Variants in CEMIP observed in about 807,000 individuals in gnomAD.
The protein encoded by CEMIP is cell migration inducing hyaluronidase 1.
In CEMIP, 105 loss-of-function variants were observed where a neutral mutation model predicts 156.9. That is an observed-to-expected ratio of 0.67 (90% CI 0.57 to 0.79). The LOEUF (loss-of-function observed/expected upper bound fraction) is 0.79, where lower values mean the gene tolerates loss of function less well. CEMIP is among the 30% of genes least tolerant of loss of function. The pLI is 0.00. For synonymous variants in CEMIP, 676 were observed against 668.4 expected (o/e 1.01, Z -0.17); for missense variants, 1,457 against 1,769.4 (o/e 0.82, Z 3.17).
intron 14 of CEMIP, 177 bp downstream of exon 14, chr15:80,909,483 TAG>T (rs1257840741): frequency 1.4e-6 from 1 of 715,554 alleles, no homozygotes; most frequent in Non-Finnish European, 2.5e-6. Flanking sequence ...AAGGAGAAAA[TAG>T]AGGTTTGTCC....
intron 1 of CEMIP, among the ~76,000 whole-genome samples, chr15:80,845,052 T>A (rs1897520295): frequency 6.6e-6 from 1 of 152,246 alleles, no homozygotes; most frequent in Non-Finnish European, 1.5e-5. Flanking sequence ...CCATAAATAT[T>A]ATCCATATAC....
In CEMIP at chr15:80,854,726, A is replaced by G. The variant is rs925300672; in HGVS notation, c.-175-18812A>G. On this transcript the variant is annotated intron_variant, in intron 1 of 29. Transcript: ENST00000394685. The stretch of plus-strand genomic sequence containing the variant: ...GATACTTAATAGCCTTATAAGCTAG[A>G]CAGGAATCTTAGCCTAAAAATGCAA... Among the ~76,000 whole-genome samples the G allele has an allele frequency of 4.6e-5, 7 of 152,358 alleles. No homozygotes were observed. In the East Asian group the frequency reaches 1.3e-3, roughly 29 times the overall value.
intron 1 of CEMIP, among the ~76,000 whole-genome samples, chr15:80,825,018 T>C (rs1273434910): frequency 6.6e-6 from 1 of 152,180 alleles, no homozygotes; most frequent in Non-Finnish European, 1.5e-5. Context: ...TTGAGTAAAA[T>C]AGATCCTTTG....
chr15:80,884,911 AAATTT>A (rs545395117), intron 7 of CEMIP, among the ~76,000 whole-genome samples: 35 of 152,272 alleles, frequency 2.3e-4, no homozygotes, highest in African/African-American at 5.8e-4. Flanking sequence ...CCTTTTTTAA[AAATTT>A]AATTTAATTT....
At chr15:80,805,689 A>C (rs2141613152) in intron 1 of CEMIP, among the ~76,000 whole-genome samples, 1 of 152,366 alleles carries the variant, frequency 6.6e-6, no homozygotes. Flanking sequence ...CACATCTATA[A>C]ATCTAAAACA....
intron 14 of CEMIP, among the ~76,000 whole-genome samples, chr15:80,919,599 G>A (rs370457310): frequency 6.6e-6 from 1 of 152,178 alleles, no homozygotes; most frequent in Non-Finnish European, 1.5e-5. Flanking sequence ...GGATCATGAG[G>A]TCAGGAGATT....
intron 1 of CEMIP, among the ~76,000 whole-genome samples, chr15:80,833,278 T>C (rs1391814987): frequency 6.6e-6 from 1 of 152,144 alleles, no homozygotes; most frequent in East Asian, 1.9e-4. Flanking sequence ...AGACAGGGCA[T>C]GGGCCCTCCA....
intron 14 of CEMIP, 37 bp from the exon 15 acceptor site, chr15:80,920,057 G>C (rs745490448): frequency 5.6e-5 from 89 of 1,597,702 alleles, no homozygotes; most frequent in Non-Finnish European, 7.6e-5. Context: ...TGAATAACTG[G>C]ATGCTTGGTG....
intron 1 of CEMIP, among the ~76,000 whole-genome samples, chr15:80,841,379 G>T (rs1238675138): frequency 6.6e-6 from 1 of 152,140 alleles, no homozygotes; most frequent in Non-Finnish European, 1.5e-5. Flanking sequence ...TGGAGAAAAT[G>T]CTCTAGGAGA....
chr15:80,926,822 G>C (rs542795427), intron 19 of CEMIP, among the ~76,000 whole-genome samples: 17 of 126,128 alleles, frequency 1.3e-4, no homozygotes, highest in South Asian at 7.9e-4. Context: ...GAGCGGGTGG[G>C]GGGGGGGGGT....
At chr15:80,852,260 T>A (rs975853996) in intron 1 of CEMIP, among the ~76,000 whole-genome samples, 13 of 152,198 alleles carry the variant, frequency 8.5e-5, no homozygotes, top group Admixed American at 5.2e-4. Flanking sequence ...ACTTAACCTC[T>A]GAGATGTGGT....
At position 80,910,450 on chromosome 15, in the gene CEMIP, C is replaced by T. The variant is rs1031384600; in HGVS notation, c.1797+1144C>T. Reference sequence around the variant, plus strand: ...AAGCACTGCTTTAAACCAAGCAGAGCGAGCCTCGCCAACAGGCATATGGTT... The same window carrying T: ...AAGCACTGCTTTAAACCAAGCAGAGTGAGCCTCGCCAACAGGCATATGGTT... On this transcript the variant is annotated intron_variant, in intron 14 of 29. Coordinates refer to ENST00000394685, the MANE Select transcript of CEMIP (RefSeq NM_001293298.2). Among the ~76,000 whole-genome samples the T allele has an allele frequency of 5.9e-5, 9 of 152,316 alleles. 1 individual carries two copies. The South Asian group carries it at 1.2e-3, about 21-fold the overall frequency.
At chr15:80,900,832 A>G (rs927323991) in intron 12 of CEMIP, 1 of 410,132 alleles carries the variant, frequency 2.4e-6, no homozygotes, top group East Asian at 7.8e-5. Flanking sequence ...CCACCCACCT[A>G]GGGACACAGC....
chr15:80,941,294 T>C (rs926115493), intron 25 of CEMIP, among the ~76,000 whole-genome samples: 1 of 152,238 alleles, frequency 6.6e-6, no homozygotes, highest in African/African-American at 2.4e-5. Context: ...GTTTTCCTCA[T>C]AATCTGACTC....
At position 80,948,850 on chromosome 15, in the gene CEMIP, C is replaced by T. The variant is rs201048326; in HGVS notation, c.4012C>T (p.Leu1338=). ...CAGCTTCCGGCCCATCTGGGTGACA[C>T]TGGACACTGAGGATCACAAAGCCAA... ...KGSFRPIWVT[L]DTEDHKAKIF... Residue 1338 remains leucine (L), a synonymous_variant, in exon 30 of 30, where the codon CTG becomes TTG. Coordinates refer to ENST00000394685, the MANE Select transcript of CEMIP (RefSeq NM_001293298.2). 1.9e-6 allele frequency: 3 copies of T among 1,614,108 alleles called. No individual in the cohort carries two copies. Among genetic ancestry groups the T allele is most frequent in the East Asian group, 4.5e-5 (2 of 44,884 alleles).
intron 12 of CEMIP, among the ~76,000 whole-genome samples, chr15:80,897,054 G>A (rs1248517098): frequency 2.0e-5 from 3 of 152,174 alleles, no homozygotes; most frequent in Non-Finnish European, 4.4e-5. Flanking sequence ...GTCATTGAAA[G>A]TTCTTCTAAG....
chr15:80,781,599 GC>G (rs1309717025), intron 1 of CEMIP, among the ~76,000 whole-genome samples: 6 of 152,180 alleles, frequency 3.9e-5, no homozygotes, highest in African/African-American at 1.4e-4. Flanking sequence ...ACGCAGGTCT[GC>G]TTTTTTTGTG....
intron 23 of CEMIP, among the ~76,000 whole-genome samples, chr15:80,936,108 C>G (rs906169174): frequency 1.3e-5 from 2 of 152,190 alleles, no homozygotes; most frequent in African/African-American, 4.8e-5. Context: ...CAATGGCTGA[C>G]AGTCTTGCTT....
intron 12 of CEMIP, among the ~76,000 whole-genome samples, chr15:80,903,600 T>C (rs1218883201): frequency 6.6e-6 from 1 of 152,174 alleles, no homozygotes; most frequent in African/African-American, 2.4e-5. Context: ...CCCCTTAGAC[T>C]GGTAAACGGG....
Sources: allele counts gnomAD v4.1 joint callset (sites outside exome capture counted in the v4.1 genomes callset), GRCh38; gene constraint gnomAD v4.1.1; transcripts MANE v1.5; gene names NCBI Gene and HGNC (gene_info 2026-07-23, HGNC 2026-07-21).